The following PLXDC2 variants were observed in gnomAD, a reference collection of about 807,000 sequenced individuals.
PLXDC2 encodes the protein plexin domain containing 2.
Under a neutral mutation model 68.9 loss-of-function variants are expected in PLXDC2, and 40 were observed. That is an observed-to-expected ratio of 0.58 (90% CI 0.45 to 0.76). The LOEUF (loss-of-function observed/expected upper bound fraction) is 0.76, where lower values mean the gene tolerates loss of function less well. PLXDC2 is among the 30% of genes least tolerant of loss of function. The probability of loss-of-function intolerance (pLI) is 0.00; values close to 1 mark genes in which losing one functional copy is unlikely to be tolerated. For missense variants in PLXDC2, 644 were observed against 661.9 expected (o/e 0.97, Z 0.30); for synonymous variants, 243 against 234.2 (o/e 1.04, Z -0.34).
intron 1 of PLXDC2, among the ~76,000 whole-genome samples, chr10:19,847,057 C>T (rs1837022671): frequency 6.6e-6 from 1 of 152,036 alleles, no homozygotes; most frequent in Non-Finnish European, 1.5e-5. Context: ...GCTTCAGTTA[C>T]CTCCCCCCGG....
chr10:19,837,409 A>AGAGAGAGT (rs1334263958), intron 1 of PLXDC2, among the ~76,000 whole-genome samples: 1 of 82,598 alleles, frequency 1.2e-5, no homozygotes, highest in East Asian at 4.3e-4. Context: ...AGAGAGAGAG[A>AGAGAGAGT]GTGTGTGTGT....
At chr10:20,125,695 C>T (rs768922117) in intron 4 of PLXDC2, among the ~76,000 whole-genome samples, 1 of 151,972 alleles carries the variant, frequency 6.6e-6, no homozygotes, top group Non-Finnish European at 1.5e-5. Context: ...GTGCAATGCT[C>T]CTTATATTTG....
intron 1 of PLXDC2, among the ~76,000 whole-genome samples, chr10:19,875,102 G>T (rs113046981): frequency 8.5e-5 from 13 of 152,176 alleles, no homozygotes; most frequent in African/African-American, 3.1e-4. Flanking sequence ...ATTAAATCAT[G>T]CATGCAAAGC....
intron 1 of PLXDC2, among the ~76,000 whole-genome samples, chr10:19,907,862 A>G (rs1174044527): frequency 6.6e-6 from 1 of 152,144 alleles, no homozygotes; most frequent in Non-Finnish European, 1.5e-5. Context: ...CCTCACGCAC[A>G]CACCTCTCAT....
intron 9 of PLXDC2, among the ~76,000 whole-genome samples, chr10:20,187,138 C>T (rs1049558131): frequency 3.3e-5 from 5 of 151,724 alleles, no homozygotes; most frequent in African/African-American, 9.7e-5. Flanking sequence ...AGGTGAATTA[C>T]GTGGAAATGT....
At chr10:19,990,099 T>C (rs1007927841) in intron 1 of PLXDC2, among the ~76,000 whole-genome samples, 1 of 152,094 alleles carries the variant, frequency 6.6e-6, no homozygotes, top group Non-Finnish European at 1.5e-5. Flanking sequence ...AGGATTTTTT[T>C]TTTATTTATA....
intron 4 of PLXDC2, among the ~76,000 whole-genome samples, chr10:20,111,585 CAAT>C (rs1296363558): frequency 6.6e-6 from 1 of 152,076 alleles, no homozygotes; most frequent in East Asian, 1.9e-4. Context: ...TTTGTTTTCT[CAAT>C]AAACAGTGTA....
At chr10:19,899,486 G>A (rs958937251) in intron 1 of PLXDC2, among the ~76,000 whole-genome samples, 2 of 152,050 alleles carry the variant, frequency 1.3e-5, no homozygotes, top group East Asian at 3.9e-4. Context: ...AATTAATGCA[G>A]GATTTTTTGA....
chr10:20,154,494 G>A (rs918283787), intron 6 of PLXDC2, among the ~76,000 whole-genome samples: 1 of 151,148 alleles, frequency 6.6e-6, no homozygotes, highest in Admixed American at 6.6e-5. Flanking sequence ...AACCCGGGAG[G>A]CAGAAGTTGC....
At chr10:20,207,162 C>T (rs1835004704) in intron 9 of PLXDC2, among the ~76,000 whole-genome samples, 1 of 152,154 alleles carries the variant, frequency 6.6e-6, no homozygotes, top group South Asian at 2.1e-4. Context: ...TTGCCATTCT[C>T]AGTCCTTTCC....
chr10:19,931,354 G>A (rs1407681648), intron 1 of PLXDC2, among the ~76,000 whole-genome samples: 1 of 152,190 alleles, frequency 6.6e-6, no homozygotes, highest in Non-Finnish European at 1.5e-5. Flanking sequence ...CAGGCTGTGA[G>A]CCAAGCTGTT....
At chr10:20,123,805 C>T (rs1310285964) in intron 4 of PLXDC2, among the ~76,000 whole-genome samples, 1 of 149,126 alleles carries the variant, frequency 6.7e-6, no homozygotes, top group African/African-American at 2.5e-5. Flanking sequence ...AGAGGTTGGG[C>T]GAGGAAATAA....
chr10:19,839,295 G>A (rs1449467123), intron 1 of PLXDC2, among the ~76,000 whole-genome samples: 1 of 152,102 alleles, frequency 6.6e-6, no homozygotes, highest in Non-Finnish European at 1.5e-5. Flanking sequence ...TGGGCATGTG[G>A]CCCAGGACAG....
intron 6 of PLXDC2, among the ~76,000 whole-genome samples, chr10:20,156,998 C>T (rs1002684369): frequency 1.3e-4 from 20 of 152,214 alleles, no homozygotes; most frequent in African/African-American, 4.3e-4. Context: ...TAGCTCACTG[C>T]AGCCTCCAAC....
chr10:20,162,167 AGAAAAGAAGG>A (rs1834309054), intron 6 of PLXDC2, among the ~76,000 whole-genome samples: 1 of 151,384 alleles, frequency 6.6e-6, no homozygotes, highest in African/African-American at 2.4e-5. Flanking sequence ...AGGAAGGAAG[AGAAAAGAAGG>A]AAAGAAGGAA....
intron 4 of PLXDC2, among the ~76,000 whole-genome samples, chr10:20,118,566 T>C (rs1833652961): frequency 6.6e-6 from 1 of 152,232 alleles, no homozygotes; most frequent in Non-Finnish European, 1.5e-5. Flanking sequence ...TGAATCGTTT[T>C]TCTAAATCCA....
At chr10:20,162,067 AGAGAGAAGGAAGGAAG>A (rs1180280251) in intron 6 of PLXDC2, among the ~76,000 whole-genome samples, 1,779 of 45,082 alleles carry the variant, frequency 0.039, 14 homozygotes, top group African/African-American at 0.054. Context: ...AGAGAGAGAG[AGAGAGAAGGAAGGAAG>A]GAAGGAAGGA....
intron 1 of PLXDC2, among the ~76,000 whole-genome samples, chr10:19,852,621 G>C (rs1837143136): frequency 6.6e-6 from 1 of 152,010 alleles, no homozygotes; most frequent in Non-Finnish European, 1.5e-5. Flanking sequence ...ATTCCACAAA[G>C]TTTGTTGACT....
intron 1 of PLXDC2, among the ~76,000 whole-genome samples, chr10:19,969,212 TAGA>T (rs752596984): frequency 1.3e-5 from 2 of 152,232 alleles, no homozygotes; most frequent in Non-Finnish European, 2.9e-5. Flanking sequence ...TCTATACTGC[TAGA>T]AGGTTTCTCT....
Sources: allele counts gnomAD v4.1 joint callset (sites outside exome capture counted in the v4.1 genomes callset), GRCh38; gene constraint gnomAD v4.1.1; transcripts MANE v1.5; gene names NCBI Gene and HGNC (gene_info 2026-07-23, HGNC 2026-07-21).